HYDIN: variants seen among roughly 807,000 people sequenced by gnomAD.
HYDIN encodes the protein HYDIN axonemal central pair apparatus protein, also known as axonemal central pair apparatus protein HYDIN.
In HYDIN, 132 loss-of-function variants were observed where a neutral mutation model predicts 403.9. The observed-to-expected ratio is 0.33, with a 90% CI of 0.28 to 0.38. The LOEUF (loss-of-function observed/expected upper bound fraction) is 0.38. Ranked by LOEUF, HYDIN falls within the 10% of genes least tolerant of loss-of-function variation. HYDIN has a pLI of 1.00. For synonymous variants in HYDIN, 1,202 were observed against 1,891.7 expected, an observed-to-expected ratio of 0.64 and a Z score of 9.46; for missense variants, 2,827 against 5,009.5, an observed-to-expected ratio of 0.56 and a Z score of 13.15.
At chr16:71,220,314 C>G (rs2089135150) in intron 1 of HYDIN, among the ~76,000 whole-genome samples, 1 of 152,164 alleles carries the variant, frequency 6.6e-6, no homozygotes, top group African/African-American at 2.4e-5. Flanking sequence ...GGGGTAATAA[C>G]TTCCTTCTAC....
At chr16:70,867,209 A>C (rs1340330785) in intron 66 of HYDIN, among the ~76,000 whole-genome samples, 8 of 148,992 alleles carry the variant, frequency 5.4e-5, no homozygotes, top group Non-Finnish European at 1.0e-4. Context: ...TATGACTAGT[A>C]ATCATATGAA....
rs146591814 is a variant in HYDIN, at chr16:70,945,702, G to A, written c.6532-1753C>T. Among the ~76,000 whole-genome samples, 17 of 152,298 alleles carry A rather than the reference G, an allele frequency of 1.1e-4. No individual in the cohort carries two copies. The East Asian group carries it at 3.3e-3, about 29-fold the overall frequency. On this transcript the variant is annotated intron_variant, in intron 41 of 85. Coordinates refer to ENST00000393567, the MANE Select transcript of HYDIN (RefSeq NM_001270974.2). ...AGAAGGGAAGGTGGAGGAGTGTGGT[G>A]TCTGAAAGCCACACGAAGAAAGCGT...
intron 1 of HYDIN, among the ~76,000 whole-genome samples, chr16:71,187,397 T>C (rs144832471): frequency 3.3e-5 from 5 of 152,172 alleles, no homozygotes; most frequent in African/African-American, 1.2e-4. Flanking sequence ...GGGAAAAGTT[T>C]TAAAGCTTAT....
intron 1 of HYDIN, among the ~76,000 whole-genome samples, chr16:71,201,307 T>C (rs1270931745): frequency 1.3e-5 from 2 of 152,186 alleles, no homozygotes; most frequent in Non-Finnish European, 2.9e-5. Flanking sequence ...AATGACTGGA[T>C]TGACAGCTGA....
chr16:71,145,868 T>A (rs2085347402), intron 7 of HYDIN, among the ~76,000 whole-genome samples: 1 of 152,158 alleles, frequency 6.6e-6, no homozygotes, highest in Admixed American at 6.5e-5. Context: ...CCACTTAATT[T>A]CTTAGGGCTT....
chr16:71,033,651 A>T (rs1568028909), intron 18 of HYDIN, among the ~76,000 whole-genome samples: 1 of 152,024 alleles, frequency 6.6e-6, no homozygotes, highest in Non-Finnish European at 1.5e-5. Context: ...CAGGGGGGAG[A>T]GCATCAGGAA....
chr16:71,060,792 G>C, intron 17 of HYDIN, 136 bp from the exon 18 acceptor site: 1 of 711,162 alleles, frequency 1.4e-6, no homozygotes, highest in Non-Finnish European at 2.4e-6. Flanking sequence ...GTGTGCTGTG[G>C]TCTCGGGAAC....
intron 10 of HYDIN, among the ~76,000 whole-genome samples, chr16:71,094,377 T>C (rs2083208765): frequency 6.6e-6 from 1 of 152,208 alleles, no homozygotes; most frequent in Non-Finnish European, 1.5e-5. Context: ...GTTATGAGCA[T>C]ACAAGCTGTA....
At chr16:70,816,076 T>C (rs943241485) in intron 84 of HYDIN, among the ~76,000 whole-genome samples, 4 of 152,150 alleles carry the variant, frequency 2.6e-5, no homozygotes, top group Admixed American at 1.3e-4. Flanking sequence ...GCCACTGCAC[T>C]CCAGCTAACT....
chr16:71,196,826 A>G (rs1440041072), intron 1 of HYDIN, among the ~76,000 whole-genome samples: 2 of 152,192 alleles, frequency 1.3e-5, no homozygotes, highest in African/African-American at 4.8e-5. Context: ...CAGTGCCATG[A>G]AAGTTTACAA....
Position 71,146,290 on chromosome 16 carries a change from G to T in HYDIN, c.841+6369C>A, listed in dbSNP as rs183446595. ...CTAATTCTAAGGCCACATTTATTCT[G>T]ACACTTCGTTTCAGCAACTAACATA... On this transcript the variant is annotated intron_variant, in intron 7 of 85. Transcript: ENST00000393567. Among the ~76,000 whole-genome samples the T allele has an allele frequency of 8.1e-3, 1,193 of 147,946 alleles. 16 individuals are homozygous for T. Among genetic ancestry groups the T allele is most frequent in the African/African-American group, 0.029 (1,131 of 39,452 alleles).
At chr16:71,187,713 C>T (rs1290906628) in intron 1 of HYDIN, among the ~76,000 whole-genome samples, 1 of 151,856 alleles carries the variant, frequency 6.6e-6, no homozygotes, top group Non-Finnish European at 1.5e-5. Flanking sequence ...CAGACCAAGA[C>T]ATAGGAAGAA....
intron 47 of HYDIN, among the ~76,000 whole-genome samples, chr16:70,909,389 A>T (rs2656746): frequency 1.3e-5 from 2 of 152,132 alleles, no homozygotes; most frequent in Admixed American, 6.5e-5. Flanking sequence ...TCAAAAAAAA[A>T]TTTTTGCCTT....
chr16:70,878,752 C>T (rs1420299538), intron 62 of HYDIN, among the ~76,000 whole-genome samples: 29 of 141,696 alleles, frequency 2.0e-4, no homozygotes, highest in Non-Finnish European at 3.8e-4. Flanking sequence ...TGAAACCCAA[C>T]TCCTACAATG....
rs529593310 is a variant in HYDIN, at chr16:70,890,800, G to A, written c.9656+846C>T. On this transcript the variant is annotated intron_variant, in intron 57 of 85. Transcript: ENST00000393567. ...ACAACTATTAAGGTAGCTTTGTGAC[G>A]GTGTCTTCATGGGGAGAAGGCAATA... 3.3e-5 allele frequency among the ~76,000 whole-genome samples: 5 copies of A among 152,242 alleles called. No homozygotes were observed. In the East Asian group the frequency reaches 5.8e-4, roughly 18 times the overall value.
chr16:71,105,084 T>G (rs2083572088), intron 10 of HYDIN, among the ~76,000 whole-genome samples: 1 of 150,252 alleles, frequency 6.7e-6, no homozygotes, highest in African/African-American at 2.5e-5. Flanking sequence ...GAAAGCATAA[T>G]GAAGGAATAA....
chr16:70,837,120 G>A (rs1474931972), intron 77 of HYDIN, among the ~76,000 whole-genome samples: 1 of 152,172 alleles, frequency 6.6e-6, no homozygotes, highest in African/African-American at 2.4e-5. Flanking sequence ...CTAGACACAA[G>A]AAGGAAATGA....
intron 23 of HYDIN, among the ~76,000 whole-genome samples, chr16:71,011,583 C>T (rs1187214952): frequency 2.0e-5 from 3 of 150,892 alleles, no homozygotes; most frequent in Non-Finnish European, 4.4e-5. Context: ...ACAAAAAAAC[C>T]AGAAATTAGC....
chr16:70,851,623 G>T (rs1260518711), intron 73 of HYDIN, among the ~76,000 whole-genome samples: 1 of 151,310 alleles, frequency 6.6e-6, no homozygotes, highest in Non-Finnish European at 1.5e-5. Flanking sequence ...ATACACTATT[G>T]GTGGGTATGT....
Sources: gnomAD v4.1 joint callset for allele counts (sites outside exome capture counted in the v4.1 genomes callset) on GRCh38, gnomAD v4.1.1 for gene constraint, MANE v1.5 for transcripts, NCBI Gene and HGNC (gene_info 2026-07-23, HGNC 2026-07-21) for gene names.